The following SERPINA5 variants were observed in gnomAD, a reference collection of about 807,000 sequenced individuals.
SERPINA5 encodes plasma serine protease inhibitor.
Under a neutral mutation model 25.3 loss-of-function variants are expected in SERPINA5, and 25 were observed. That is an observed-to-expected ratio of 0.99 (90% CI 0.72 to 1.38). The LOEUF (loss-of-function observed/expected upper bound fraction) is 1.38, where lower values mean the gene tolerates loss of function less well. Among genes scored for constraint, SERPINA5 ranks in the 40% most tolerant of loss-of-function variants. The pLI is 0.00. For missense variants in SERPINA5, 599 were observed against 509.5 expected (o/e 1.18, Z -1.69); for synonymous variants, 234 against 206.2 (o/e 1.14, Z -1.16).
chr14:94,587,611 T>C lies in SERPINA5; in HGVS notation c.249T>C (p.Ala83=). Residue 83 remains alanine (A), a synonymous_variant, in exon 3 of 6, where the codon GCT becomes GCC. Transcript: ENST00000329597. ...SMSLAMLSLG[A]GSSTKMQILE... ...GCCTGGCCATGCTCTCCCTGGGGGCTGGGTCCAGCACAAAGATGCAGATCC... is the reference window on the plus strand; with the variant it reads ...GCCTGGCCATGCTCTCCCTGGGGGCCGGGTCCAGCACAAAGATGCAGATCC... 1 of 1,614,084 alleles carries C rather than the reference T, an allele frequency of 6.2e-7. No individual in the cohort carries two copies. The highest frequency in any genetic ancestry group is 1.1e-5 in the South Asian group (1 of 91,080).
intron 2 of SERPINA5, among the ~76,000 whole-genome samples, chr14:94,584,909 C>T (rs1885025968): frequency 6.6e-6 from 1 of 152,166 alleles, no homozygotes; most frequent in Non-Finnish European, 1.5e-5. Flanking sequence ...ATTAAAGCAC[C>T]CACCTATGTC....
At position 94,592,119 on chromosome 14, in the gene SERPINA5, G is replaced by T. The variant is rs765969442; in HGVS notation, c.1101G>T (p.Gly367=). The change falls in exon 6 of 6, where the codon GGG becomes GGT. Residue 367 remains glycine (G), a synonymous_variant. Coordinates refer to ENST00000329597, the MANE Select transcript of SERPINA5 (RefSeq NM_000624.6). ...GAACCAGAGCAGCGGCAGCCACGGG[G>T]ACAATATTCACTTTCAGGTCGGCCC... ...ESGTRAAAAT[G]TIFTFRSARL... is the part of the protein sequence containing the mutation. The T allele has an allele frequency of 3.2e-5, 52 of 1,614,180 alleles. No individual in the cohort carries two copies. Among genetic ancestry groups the T allele is most frequent in the Non-Finnish European group, 4.2e-5 (50 of 1,180,024 alleles).
chr14:94,590,705 C>T (rs535533145), intron 4 of SERPINA5, 44 bp from the exon 5 acceptor site: 1 of 1,583,124 alleles, frequency 6.3e-7, no homozygotes, highest in South Asian at 1.2e-5. Flanking sequence ...CTCAGTGTGC[C>T]AATGCCCCAG....
chr14:94,587,724 C>A lies in SERPINA5; in HGVS notation c.362C>A (p.Pro121His), dbSNP rs141840783. 1 of 1,614,192 alleles carries A rather than the reference C, an allele frequency of 6.2e-7. No homozygotes were observed. Among genetic ancestry groups the A allele is most frequent in the African/African-American group, 1.3e-5 (1 of 75,056 alleles). Reference protein sequence around the residue: ...FQQLLQELNQPRDGFQLSLGN... With the variant: ...FQQLLQELNQHRDGFQLSLGN... ...CAGCTCCTTCAGGAACTCAACCAGC[C>A]CAGAGATGGCTTCCAGCTGAGCCTC... Residue 121 changes from proline to histidine, a missense_variant, in exon 3 of 6, where the codon CCC (proline) becomes CAC (histidine). By Grantham distance (77) the Pro-to-His change is moderately conservative. Transcript: ENST00000329597.
chr14:94,581,968 G>C (rs979455639), intron 2 of SERPINA5: 1 of 152,234 alleles, frequency 6.6e-6, no homozygotes, highest in Non-Finnish European at 1.5e-5. Flanking sequence ...AGGCCATGGG[G>C]ACAAAATGTC....
In SERPINA5 at chr14:94,592,794, G is replaced by A. The variant is rs1256945382; in HGVS notation, c.*555G>A. On this transcript the variant is annotated 3_prime_UTR_variant, in exon 6 of 6. Transcript: ENST00000329597. ...CCTCTCTGGACCTCAGTTTCCCTCT[G>A]TATACAAGGATCAGATTCTTGCTGT... The A allele has an allele frequency of 6.6e-6, 1 of 152,622 alleles. No individual in the cohort carries two copies. Among genetic ancestry groups the A allele is most frequent in the Non-Finnish European group, 1.5e-5 (1 of 68,346 alleles). 9.5% of individuals were successfully genotyped at this position (152,622 alleles called of 1,614,324 possible). A position where few individuals can be genotyped will look rare whatever the true frequency, so the allele number is the denominator to read the frequency against.
rs1319008632 is a variant in SERPINA5, at chr14:94,592,698, T to C, written c.*459T>C. On this transcript the variant is annotated 3_prime_UTR_variant, in exon 6 of 6. Coordinates refer to ENST00000329597, the MANE Select transcript of SERPINA5 (RefSeq NM_000624.6). ...AGTTCATCCTGCATGGGAAAAATGT[T>C]GGAATGGGAGTCTGAAATGGGGCTA... 1 of 157,710 alleles carries C rather than the reference T, an allele frequency of 6.3e-6. No individual in the cohort carries two copies. Among genetic ancestry groups the C allele is most frequent in the Non-Finnish European group, 1.4e-5 (1 of 71,104 alleles). The allele number at this position is 157,710 out of a possible 1,614,324, so 9.8% of individuals were successfully genotyped here.
chr14:94,591,064 T>C (rs2854940), intron 5 of SERPINA5, among the ~76,000 whole-genome samples, 168 bp downstream of exon 5: 46,518 of 121,674 alleles, frequency 0.38, 9,347 homozygotes, highest in Non-Finnish European at 0.47. Flanking sequence ...CCAGTTCACT[T>C]TATTCAATTC....
rs770696802 is a variant in SERPINA5, at chr14:94,587,396, C to T, written c.34C>T (p.Leu12Phe). The T allele has an allele frequency of 3.7e-6, 6 of 1,612,788 alleles. No individual in the cohort carries two copies. In the South Asian group the frequency reaches 5.5e-5, roughly 15 times the overall value. ...CTTCCTCCTCTTGTGCCTGGTGCTTCTCAGCCCTCAGGGGGCCTCCCTTCA... is the reference window on the plus strand; with the variant it reads ...CTTCCTCCTCTTGTGCCTGGTGCTTTTCAGCCCTCAGGGGGCCTCCCTTCA... ...QLFLLLCLVL[L>F]SPQGASLHRH... is the part of the protein sequence containing the mutation. Residue 12 changes from leucine (L) to phenylalanine (F), a missense_variant, in exon 3 of 6, where the codon CTC becomes TTC. By Grantham distance (22) the Leu-to-Phe change is conservative. Coordinates refer to ENST00000329597, the MANE Select transcript of SERPINA5 (RefSeq NM_000624.6).
At chr14:94,592,002 A>G (rs1209370670) in intron 5 of SERPINA5, 55 bp from the exon 6 acceptor site, 8 of 1,562,618 alleles carry the variant, frequency 5.1e-6, no homozygotes, top group East Asian at 2.2e-5. Flanking sequence ...GCCATTTGCT[A>G]TGATGACTTC....
Position 94,590,879 on chromosome 14 carries a change from A to C in SERPINA5, c.1021A>C (p.Asn341His). The change falls in exon 5 of 6, where the codon AAT becomes CAT. Residue 341 changes from asparagine to histidine, a missense_variant. Asn to His is a moderately conservative substitution (Grantham distance 68, BLOSUM62 1). Transcript: ENST00000329597. ...TCTGTCCGGCATCAGCAACCACTCA[A>C]ATATCCAGGTGTCTGAGGTGGGTTC... ...ADLSGISNHS[N>H]IQVSEMVHKA... 1.2e-6 allele frequency: 2 copies of C among 1,611,230 alleles called. No homozygotes were observed. The highest frequency in any genetic ancestry group is 1.7e-6 in the Non-Finnish European group (2 of 1,178,280).
chr14:94,590,628 T>G, intron 4 of SERPINA5, 121 bp from the exon 5 acceptor site: 1 of 1,166,534 alleles, frequency 8.6e-7, no homozygotes, highest in Non-Finnish European at 1.2e-6. Context: ...GTTCCTTGGG[T>G]TAAGGAGTCC....
chr14:94,590,848 T>C lies in SERPINA5; in HGVS notation c.990T>C (p.His330=), dbSNP rs1885254073. The C allele has an allele frequency of 1.2e-6, 2 of 1,614,058 alleles. No homozygotes were observed. The highest frequency in any genetic ancestry group is 1.7e-6 in the Non-Finnish European group (2 of 1,179,958). ...GGATCAGTAACGTCTTCACCTCCCA[T>C]GCTGATCTGTCCGGCATCAGCAACC... ...SLGISNVFTS[H]ADLSGISNHS... The change falls in exon 5 of 6, where the codon CAT becomes CAC. Residue 330 remains histidine, a synonymous_variant. Coordinates refer to ENST00000329597, the MANE Select transcript of SERPINA5 (RefSeq NM_000624.6).
intron 4 of SERPINA5, 45 bp downstream of exon 4, chr14:94,590,356 C>T: frequency 6.5e-7 from 1 of 1,538,020 alleles, no homozygotes; most frequent in Non-Finnish European, 8.8e-7. Flanking sequence ...CACACAGCCC[C>T]AGGGAGACAC....
chr14:94,589,464 G>GA (rs1304382941), intron 3 of SERPINA5, among the ~76,000 whole-genome samples: 8 of 149,398 alleles, frequency 5.4e-5, no homozygotes, highest in South Asian at 2.1e-4. Flanking sequence ...AAGAAAAAAA[G>GA]AAAAAAAAGA....
In SERPINA5 at chr14:94,583,415, G is replaced by A. The variant is rs146230546; in HGVS notation, c.-18+1705G>A. The stretch of plus-strand genomic sequence containing the variant: ...TTGCTGATGGGCTGGAGTGGAACAG[G>A]AAGTCAAGATTACTTCTTCTGGGAA... On this transcript the variant is annotated intron_variant, in intron 2 of 5. Coordinates refer to ENST00000329597, the MANE Select transcript of SERPINA5 (RefSeq NM_000624.6). Among the ~76,000 whole-genome samples, 148 of 152,312 alleles carry A rather than the reference G, an allele frequency of 9.7e-4. 1 individual carries two copies. Among genetic ancestry groups the A allele is most frequent in the Non-Finnish European group, 1.7e-3 (113 of 68,036 alleles).
At chr14:94,582,514 G>C (rs1884947424) in intron 2 of SERPINA5, among the ~76,000 whole-genome samples, 2 of 152,242 alleles carry the variant, frequency 1.3e-5, no homozygotes, top group African/African-American at 2.4e-5. Context: ...GAGAGACAGG[G>C]AGGGAGTTGT....
rs1885251792 is a variant in SERPINA5, at chr14:94,590,769, C to G, written c.911C>G (p.Pro304Arg). ...TCCAGGCAGCTCGAGCTTTACCTTCCCAAATTCTCCATTGAGGGCTCCTAT... is the reference window on the plus strand; with the variant it reads ...TCCAGGCAGCTCGAGCTTTACCTTCGCAAATTCTCCATTGAGGGCTCCTAT... ...FKKRQLELYL[P>R]KFSIEGSYQL... The change falls in exon 5 of 6, where the codon CCC becomes CGC. Residue 304 changes from proline to arginine, a missense_variant. Coordinates refer to ENST00000329597, the MANE Select transcript of SERPINA5 (RefSeq NM_000624.6). 2 of 1,613,956 alleles carry G rather than the reference C, an allele frequency of 1.2e-6. No homozygotes were observed. The highest frequency in any genetic ancestry group is 1.1e-5 in the South Asian group (1 of 91,060).
rs1566838678 is a variant in SERPINA5 at position 94,590,270 on chromosome 14, T to C, written c.849T>C (p.Ser283=). 6.2e-7 allele frequency: 1 copy of C among 1,610,886 alleles called. No homozygotes were observed. The highest frequency in any genetic ancestry group is 1.3e-5 in the African/African-American group (1 of 74,804). ...GKMQQVENGL[S]EKTLRKWLKM... is the part of the protein sequence containing the mutation. ...TGCAGCAGGTGGAGAATGGACTGAG[T>C]GAGAAAACGCTGAGGAAGTGGCTTA... Residue 283 remains serine, a synonymous_variant, in exon 4 of 6, where the codon AGT becomes AGC. Transcript: ENST00000329597.
Sources: allele counts gnomAD v4.1 joint callset (sites outside exome capture counted in the v4.1 genomes callset), GRCh38; gene constraint gnomAD v4.1.1; transcripts MANE v1.5; gene names NCBI Gene and HGNC (gene_info 2026-07-23, HGNC 2026-07-21).